Variants in JMJD1C observed in about 807,000 individuals in gnomAD.
JMJD1C encodes jumonji domain containing 1C.
In JMJD1C, 31 loss-of-function variants were observed where a neutral mutation model predicts 245.3. The ratio of observed to expected loss-of-function variants is 0.13; its 90% CI spans 0.09 to 0.17. The LOEUF (loss-of-function observed/expected upper bound fraction) is 0.17, where lower values mean the gene tolerates loss of function less well. Ranked by LOEUF, JMJD1C falls within the 10% of genes least tolerant of loss-of-function variation. The probability of loss-of-function intolerance (pLI) is 1.00; values close to 1 mark genes in which losing one functional copy is unlikely to be tolerated. For synonymous variants in JMJD1C, 1,057 were observed against 1,017.4 expected (o/e 1.04, Z -0.74); for missense variants, 2,691 against 3,000.2 (o/e 0.90, Z 2.41).
chr10:63,185,750 G>A (rs1359556713), intron 19 of JMJD1C, 97 bp from the exon 20 acceptor site: 2 of 739,150 alleles, frequency 2.7e-6, no homozygotes, highest in Non-Finnish European at 4.7e-6. Flanking sequence ...TGATTTGATT[G>A]TTGCACATTA....
At chr10:63,507,665 A>AAAAAAAAAAAAT (rs1954764560) in intron 1 of JMJD1C, among the ~76,000 whole-genome samples, 1 of 150,828 alleles carries the variant, frequency 6.6e-6, no homozygotes, top group Non-Finnish European at 1.5e-5. Flanking sequence ...AAAAAAAAAC[A>AAAAAAAAAAAAT]GTGGCTGTGC....
chr10:63,256,814 T>A (rs1853996719), intron 3 of JMJD1C, among the ~76,000 whole-genome samples: 1 of 152,188 alleles, frequency 6.6e-6, no homozygotes, highest in Admixed American at 6.5e-5. Context: ...ACAAGGCACC[T>A]CTAAATTTTA....
chr10:63,197,741 A>T (rs1845607069), intron 12 of JMJD1C, among the ~76,000 whole-genome samples, 178 bp from the exon 13 acceptor site: 1 of 152,198 alleles, frequency 6.6e-6, no homozygotes, highest in Non-Finnish European at 1.5e-5. Flanking sequence ...AAGACCCATA[A>T]ATGATCATTA....
chr10:63,303,698 T>G (rs558414253), intron 2 of JMJD1C, among the ~76,000 whole-genome samples: 2 of 152,348 alleles, frequency 1.3e-5, no homozygotes, highest in East Asian at 3.9e-4. Flanking sequence ...TGTACTGTTA[T>G]GTCACTTTGT....
intron 17 of JMJD1C, 24 bp from the exon 18 acceptor site, chr10:63,189,470 A>AAAAACAAAACAAT: frequency 6.4e-7 from 1 of 1,567,644 alleles, no homozygotes. Context: ...AACAAAACAA[A>AAAAACAAAACAAT]AAAAACCTGT....
Position 63,193,092 on chromosome 10 carries a change from C to T in JMJD1C, c.5922G>A (p.Gln1974=), listed in dbSNP as rs1234855050. 1 of 1,614,080 alleles carries T rather than the reference C, an allele frequency of 6.2e-7. No homozygotes were observed. Among genetic ancestry groups the T allele is most frequent in the East Asian group, 2.2e-5 (1 of 44,876 alleles). Residue 1974 remains glutamine, a synonymous_variant, in exon 16 of 26, where the codon CAG becomes CAA. Transcript: ENST00000399262. ...CAGACTTCGGAGGAGTATTTTGCTG[C>T]TGAGACTCAGGCATGCACAGAGAAA... ...NKISLCMPES[Q]QQNTPPKSEK... is the part of the protein sequence containing the mutation.
At position 63,207,082 on chromosome 10, in the gene JMJD1C, T is replaced by A; in HGVS notation, c.4587A>T (p.Lys1529Asn). The change falls in exon 10 of 26, where the codon AAA becomes AAT. Residue 1529 changes from lysine to asparagine, a missense_variant. This residue lies in a region of JMJD1C where 1,562 missense variants were observed against 1,490.7 expected (regional missense o/e 1.05). Transcript: ENST00000399262. ...CTTGCCCATTTCCTACAGAGTTTGCTTTGTTAATTGTACTACAGATTACAG... is the reference window on the plus strand; with the variant it reads ...CTTGCCCATTTCCTACAGAGTTTGCATTGTTAATTGTACTACAGATTACAG... ...DSTVICSTIN[K>N]ANSVGNGQAS... 1 of 1,614,224 alleles carries A rather than the reference T, an allele frequency of 6.2e-7. No individual in the cohort carries two copies. The highest frequency in any genetic ancestry group is 8.5e-7 in the Non-Finnish European group (1 of 1,180,034).
At chr10:63,209,024 A>G in intron 9 of JMJD1C, 39 bp downstream of exon 9, 6 of 1,508,272 alleles carry the variant, frequency 4.0e-6, no homozygotes, top group Non-Finnish European at 5.4e-6. Context: ...AAAAATTATG[A>G]ACAAGGTATT....
intron 2 of JMJD1C, among the ~76,000 whole-genome samples, chr10:63,291,108 C>T (rs1858625602): frequency 6.6e-6 from 1 of 151,234 alleles, no homozygotes; most frequent in South Asian, 2.1e-4. Flanking sequence ...AGTTCAAGAC[C>T]AGCCTGGCTA....
At chr10:63,219,556 A>C (rs1848373371) in intron 4 of JMJD1C, among the ~76,000 whole-genome samples, 1 of 152,280 alleles carries the variant, frequency 6.6e-6, no homozygotes, top group Non-Finnish European at 1.5e-5. Flanking sequence ...GCTGTGGGCA[A>C]CCCTCTACTG....
intron 1 of JMJD1C, among the ~76,000 whole-genome samples, chr10:63,432,111 C>T (rs1246450642): frequency 2.6e-5 from 4 of 152,178 alleles, no homozygotes; most frequent in Non-Finnish European, 4.4e-5. Context: ...GTGGTTGGGT[C>T]CAGAGATGAC....
intron 1 of JMJD1C, among the ~76,000 whole-genome samples, chr10:63,401,047 C>T (rs529813186): frequency 2.4e-4 from 37 of 151,436 alleles, no homozygotes; most frequent in Non-Finnish European, 4.7e-4. Flanking sequence ...TTAGTAGAGA[C>T]GAAGTTTCGC....
chr10:63,347,779 G>T (rs1398742889), intron 2 of JMJD1C, among the ~76,000 whole-genome samples: 1 of 151,868 alleles, frequency 6.6e-6, no homozygotes, highest in African/African-American at 2.4e-5. Context: ...GCCAGGCGTG[G>T]TGTGGGCACC....
chr10:63,208,763 G>T lies in JMJD1C; in HGVS notation c.2906C>A (p.Ser969Tyr). The change falls in exon 10 of 26, where the codon TCT becomes TAT. Residue 969 changes from serine to tyrosine, a missense_variant. Around this residue, in one of 9 missense-constraint regions of JMJD1C, gnomAD observed 1,562 missense variants for 1,490.7 expected, o/e 1.05. Transcript: ENST00000399262. ...ATTTTTGGCTGATGTGGATGCAACAGACCGTAATGGTTCCATAAAAGCTTT... is the reference window on the plus strand; with the variant it reads ...ATTTTTGGCTGATGTGGATGCAACATACCGTAATGGTTCCATAAAAGCTTT... ...ERKAFMEPLRSVASTSAKNDL... is the reference protein window; with the variant it reads ...ERKAFMEPLRYVASTSAKNDL... 1 of 1,601,774 alleles carries T rather than the reference G, an allele frequency of 6.2e-7. No individual in the cohort carries two copies. Among genetic ancestry groups the T allele is most frequent in the South Asian group, 1.1e-5 (1 of 88,296 alleles).
In JMJD1C at chr10:63,214,955, T is replaced by G. The variant is rs771832089; in HGVS notation, c.1212A>C (p.Lys404Asn). 1.5e-5 allele frequency: 24 copies of G among 1,601,094 alleles called. No homozygotes were observed. The highest frequency in any genetic ancestry group is 2.0e-5 in the Non-Finnish European group (23 of 1,174,012). ...CTTCTCCATTTATTTTTGAAGTATTTTTATTTTTCAATTCATTCTCTGGCT... is the reference window on the plus strand; with the variant it reads ...CTTCTCCATTTATTTTTGAAGTATTGTTATTTTTCAATTCATTCTCTGGCT... The part of the protein sequence containing the change: ...EQKPENELKN[K>N]NTSKINGEEG... Residue 404 changes from lysine (K) to asparagine (N), a missense_variant, in exon 8 of 26, where the codon AAA becomes AAC. Lys to Asn is a moderately conservative substitution (Grantham distance 94). Around this residue, in one of 9 missense-constraint regions of JMJD1C, gnomAD observed 1,562 missense variants for 1,490.7 expected, o/e 1.05. Transcript: ENST00000399262.
intron 3 of JMJD1C, among the ~76,000 whole-genome samples, chr10:63,260,435 C>A (rs1197965802): frequency 6.6e-6 from 1 of 152,096 alleles, no homozygotes; most frequent in East Asian, 1.9e-4. Context: ...ATTTCAAAAT[C>A]ATGCTAAAAG....
chr10:63,177,410 C>T (rs1311346333), intron 23 of JMJD1C: 3 of 304,384 alleles, frequency 9.9e-6, no homozygotes, highest in Non-Finnish European at 1.8e-5. Context: ...CATCCCGCGA[C>T]TCCAGATAGC....
chr10:63,191,189 T>A (rs1844755772), intron 16 of JMJD1C, 81 bp from the exon 17 acceptor site: 2 of 1,083,726 alleles, frequency 1.8e-6, no homozygotes, highest in Non-Finnish European at 2.8e-6. Context: ...TGGAGTGCAG[T>A]GGCGTGACCT....
chr10:63,504,091 G>A (rs140215385), intron 1 of JMJD1C, among the ~76,000 whole-genome samples: 2 of 152,166 alleles, frequency 1.3e-5, no homozygotes, highest in South Asian at 2.1e-4. Context: ...AAATGTTATG[G>A]GTGCCCTATG....
Sources: allele counts gnomAD v4.1 joint callset (sites outside exome capture counted in the v4.1 genomes callset), GRCh38; gene constraint gnomAD v4.1.1; regional missense constraint gnomAD v4.1.1; transcripts MANE v1.5; gene names NCBI Gene and HGNC (gene_info 2026-07-23, HGNC 2026-07-21).